The following CAGE1 variants were observed in gnomAD, a reference collection of about 807,000 sequenced individuals.
CAGE1 encodes cancer antigen 1.
Under a neutral mutation model 94.9 loss-of-function variants are expected in CAGE1, and 66 were observed. That is an observed-to-expected ratio of 0.70 (90% CI 0.57 to 0.85). The LOEUF is 0.85. Ranked by LOEUF, CAGE1 falls within the 40% of genes least tolerant of loss-of-function variation. The pLI, the probability that CAGE1 is intolerant of heterozygous loss-of-function variation, is 0.00. For synonymous variants in CAGE1, 319 were observed against 321.0 expected (o/e 0.99, Z 0.07); for missense variants, 865 against 950.4 (o/e 0.91, Z 1.18).
chr6:7,341,549 G>A lies in CAGE1; in HGVS notation c.2370-7459C>T, dbSNP rs1422379093. 2.0e-5 allele frequency: 24 copies of A among 1,229,962 alleles called. No homozygotes were observed. The South Asian group carries it at 2.3e-4, about 12-fold the overall frequency. 76.2% of individuals were successfully genotyped at this position (1,229,962 alleles called of 1,614,324 possible). ...TGAGGGTTGATTAGCACAAGGCCTCGGACCTTTTTCCTCTCAGGCCTAGCT... is the reference window on the plus strand; with the variant it reads ...TGAGGGTTGATTAGCACAAGGCCTCAGACCTTTTTCCTCTCAGGCCTAGCT... On this transcript the variant is annotated intron_variant, in intron 11 of 13. Coordinates refer to ENST00000502583, the MANE Select transcript of CAGE1 (RefSeq NM_001170692.2).
chr6:7,347,507 G>A (rs1490728407), intron 11 of CAGE1: 7 of 133,982 alleles, frequency 5.2e-5, no homozygotes, highest in Non-Finnish European at 1.1e-4. Flanking sequence ...CGAGGGTGGG[G>A]GGGGGGGTTG....
rs55850429 is a variant in CAGE1 at position 7,358,027 on chromosome 6, GATATATATATATATATATAT to G, written c.2194-1918_2194-1899del. Among the ~76,000 whole-genome samples, 76 of 48,088 alleles carry G rather than the reference GATATATATATATATATATAT, an allele frequency of 1.6e-3. 3 individuals carry two copies. Among genetic ancestry groups the G allele is most frequent in the East Asian group, 2.2e-3 (2 of 904 alleles). The allele number at this position is 48,088 out of a possible 152,430, so 31.5% of individuals were successfully genotyped here. ...CAGACTGCGGTTAGGTAAGTTTTGA[GATATATATATATATATATAT>G]ATATATATATATATATATATATATG... is the stretch of plus-strand genomic sequence containing the variant. On this transcript the variant is annotated intron_variant, in intron 9 of 13. Coordinates refer to ENST00000502583, the MANE Select transcript of CAGE1 (RefSeq NM_001170692.2).
intron 1 of CAGE1, 49 bp from the exon 2 acceptor site, chr6:7,387,245 T>C (rs1473188405): frequency 1.0e-6 from 1 of 982,886 alleles, no homozygotes; most frequent in Non-Finnish European, 1.5e-6. Flanking sequence ...AAAAGTTTTT[T>C]CCCTATCCCT....
chr6:7,330,183 T>A (rs1758698254), intron 12 of CAGE1, among the ~76,000 whole-genome samples: 1 of 151,620 alleles, frequency 6.6e-6, no homozygotes, highest in African/African-American at 2.4e-5. Flanking sequence ...AGGTCAGGAG[T>A]TCAAGACCAG....
At chr6:7,332,292 T>C (rs1758783926) in intron 12 of CAGE1, among the ~76,000 whole-genome samples, 1 of 152,170 alleles carries the variant, frequency 6.6e-6, no homozygotes, top group South Asian at 2.1e-4. Flanking sequence ...CTTTGGAGCT[T>C]GCCGTTGCTG....
rs77360926 is a variant in CAGE1, at chr6:7,385,712, G to A, written c.283+73C>T. On this transcript the variant is annotated intron_variant, in intron 3 of 13. Coordinates refer to ENST00000502583, the MANE Select transcript of CAGE1 (RefSeq NM_001170692.2). ...ATATAAAGTGCTTAGCACAAAACCTGGCTATTGTTACTATCACGGAACACA... is the reference window on the plus strand; with the variant it reads ...ATATAAAGTGCTTAGCACAAAACCTAGCTATTGTTACTATCACGGAACACA... 274 of 785,350 alleles carry A rather than the reference G, an allele frequency of 3.5e-4. No individual in the cohort carries two copies. In the African/African-American group the frequency reaches 4.4e-3, roughly 13 times the overall value. The allele number at this position is 785,350 out of a possible 1,614,324, so 48.6% of individuals were successfully genotyped here.
intron 3 of CAGE1, among the ~76,000 whole-genome samples, chr6:7,380,502 TG>T (rs1343104093): frequency 3.3e-5 from 5 of 152,008 alleles, no homozygotes; most frequent in Admixed American, 6.6e-5. Flanking sequence ...TGGGGCGTGG[TG>T]GTGCACATCT....
At chr6:7,337,307 A>C (rs1758988780) in intron 11 of CAGE1, among the ~76,000 whole-genome samples, 1 of 145,030 alleles carries the variant, frequency 6.9e-6, no homozygotes, top group Admixed American at 7.0e-5. Context: ...AGCCTGGGTG[A>C]CAGAGTGAGA....
At chr6:7,369,774 G>A in intron 6 of CAGE1, 145 bp downstream of exon 6, 1 of 682,126 alleles carries the variant, frequency 1.5e-6, no homozygotes, top group Non-Finnish European at 2.2e-6. Context: ...AGAAGGGTTG[G>A]ATGGATGGCT....
intron 11 of CAGE1, among the ~76,000 whole-genome samples, chr6:7,349,059 A>G (rs937125496): frequency 5.3e-5 from 8 of 152,196 alleles, no homozygotes. Flanking sequence ...AAGCACAAAA[A>G]ACACCTGGGA....
At chr6:7,345,685 T>C (rs753789571) in intron 11 of CAGE1, among the ~76,000 whole-genome samples, 2 of 152,254 alleles carry the variant, frequency 1.3e-5, no homozygotes, top group Admixed American at 6.5e-5. Context: ...CCCAGCACTT[T>C]GGGAGGCTGA....
intron 11 of CAGE1, among the ~76,000 whole-genome samples, chr6:7,349,537 C>A (rs1759689166): frequency 6.6e-6 from 1 of 152,080 alleles, no homozygotes; most frequent in Non-Finnish European, 1.5e-5. Flanking sequence ...ACACAGGCAA[C>A]AAATAGCATG....
At chr6:7,345,062 G>A (rs890679538) in intron 11 of CAGE1, among the ~76,000 whole-genome samples, 67 of 152,058 alleles carry the variant, frequency 4.4e-4, no homozygotes, top group Middle Eastern at 3.4e-3. Flanking sequence ...GATGGCTGGT[G>A]TTGAAAGCTT....
At chr6:7,345,423 A>G (rs1002482234) in intron 11 of CAGE1, among the ~76,000 whole-genome samples, 2 of 152,204 alleles carry the variant, frequency 1.3e-5, no homozygotes, top group Admixed American at 6.5e-5. Context: ...CCCTCACTGC[A>G]GGGGTCTGTG....
At position 7,389,712 on chromosome 6, in the gene CAGE1, G is replaced by C. The variant is rs2296357; in HGVS notation, c.-534C>G. On this transcript the variant is annotated 5_prime_UTR_variant, in exon 1 of 14. Coordinates refer to ENST00000502583, the MANE Select transcript of CAGE1 (RefSeq NM_001170692.2). ...TTCCTGAGAGCACAGAACATCCACA[G>C]CCCTATACAGCGCGCCATCCAGAGA... is the stretch of plus-strand genomic sequence containing the variant. 0.51 allele frequency: 275,616 copies of C among 536,220 alleles called. 75,265 individuals are homozygous for C. Among genetic ancestry groups the C allele is most frequent in the South Asian group, 0.58 (27,914 of 47,786 alleles). 33.2% of individuals were successfully genotyped at this position (536,220 alleles called of 1,614,324 possible).
chr6:7,356,993 C>A (rs6914128), intron 9 of CAGE1, among the ~76,000 whole-genome samples: 7,965 of 152,060 alleles, frequency 0.052, 342 homozygotes, highest in African/African-American at 0.12. Context: ...GATGGGGTTT[C>A]ACCATGTTGG....
chr6:7,354,095 C>CAA (rs200726146), intron 11 of CAGE1, among the ~76,000 whole-genome samples: 1,900 of 151,328 alleles, frequency 0.013, 38 homozygotes, highest in African/African-American at 0.044. Flanking sequence ...GGAAAAAAAA[C>CAA]AAAAAATAAA....
chr6:7,344,218 G>A (rs1759312464), intron 11 of CAGE1, among the ~76,000 whole-genome samples: 1 of 152,114 alleles, frequency 6.6e-6, no homozygotes, highest in South Asian at 2.1e-4. Flanking sequence ...AGGTGTAGAG[G>A]GAGAGGCGCC....
At chr6:7,356,253 A>G (rs1056907718) in intron 9 of CAGE1, 124 bp from the exon 10 acceptor site, 3 of 619,832 alleles carry the variant, frequency 4.8e-6, no homozygotes, top group South Asian at 2.0e-5. Context: ...ACCGAGCTGT[A>G]CCGTAGGTGA....
Sources: gnomAD v4.1 joint callset for allele counts (sites outside exome capture counted in the v4.1 genomes callset) on GRCh38, gnomAD v4.1.1 for gene constraint, MANE v1.5 for transcripts, NCBI Gene and HGNC (gene_info 2026-07-23, HGNC 2026-07-21) for gene names.